The following DENND1B variants were observed in gnomAD, a reference collection of about 807,000 sequenced individuals.
The protein encoded by DENND1B is DENN domain containing 1B, also known as DENN domain-containing protein 1B.
Under a neutral mutation model 90.1 loss-of-function variants are expected in DENND1B, and 59 were observed. The observed-to-expected ratio is 0.65, with a 90% CI of 0.53 to 0.81. The LOEUF is 0.81. Ranked by LOEUF, DENND1B falls within the 40% of genes least tolerant of loss-of-function variation. The pLI, the probability that DENND1B is intolerant of heterozygous loss-of-function variation, is 0.00. For missense variants in DENND1B, 862 were observed against 912.6 expected (o/e 0.94, Z 0.71); for synonymous variants, 337 against 324.6 (o/e 1.04, Z -0.41).
At chr1:197,611,754 T>C (rs912812370) in intron 12 of DENND1B, among the ~76,000 whole-genome samples, 177 bp downstream of exon 12, 20 of 150,850 alleles carry the variant, frequency 1.3e-4, no homozygotes, top group Admixed American at 6.6e-5. Context: ...TCATTTAGTA[T>C]GTTAATTTAA....
At chr1:197,752,904 G>A (rs1653762164) in intron 2 of DENND1B, among the ~76,000 whole-genome samples, 1 of 151,874 alleles carries the variant, frequency 6.6e-6, no homozygotes, top group Non-Finnish European at 1.5e-5. Flanking sequence ...CTGTCTTTGT[G>A]ATAGTTTGCT....
At chr1:197,562,764 G>A (rs1006739735) in intron 15 of DENND1B, among the ~76,000 whole-genome samples, 3 of 151,974 alleles carry the variant, frequency 2.0e-5, no homozygotes, top group Non-Finnish European at 2.9e-5. Flanking sequence ...AACTGAGACA[G>A]CCTGAAAGCC....
intron 3 of DENND1B, among the ~76,000 whole-genome samples, chr1:197,675,717 C>T (rs1655988390): frequency 6.6e-6 from 1 of 152,124 alleles, no homozygotes; most frequent in Non-Finnish European, 1.5e-5. Context: ...AAACCATTCA[C>T]CATTTTTACT....
At chr1:197,644,012 G>A (rs548965897) in intron 9 of DENND1B, among the ~76,000 whole-genome samples, 20 of 152,188 alleles carry the variant, frequency 1.3e-4, no homozygotes, top group East Asian at 7.7e-4. Context: ...TTCAATTTCC[G>A]GAAGATAGAA....
intron 2 of DENND1B, among the ~76,000 whole-genome samples, chr1:197,762,472 T>C (rs1273976094): frequency 1.3e-5 from 2 of 152,154 alleles, no homozygotes; most frequent in Admixed American, 6.5e-5. Context: ...CTCAATATGA[T>C]GAAATACATA....
chr1:197,665,854 T>C (rs1427221580), intron 5 of DENND1B, among the ~76,000 whole-genome samples: 1 of 152,106 alleles, frequency 6.6e-6, no homozygotes, highest in Non-Finnish European at 1.5e-5. Context: ...AAAAAATTAG[T>C]GTTTAGGATA....
rs868557277 is a variant in DENND1B at position 197,626,293 on chromosome 1, A to G, written c.673-8534T>C. Among the ~76,000 whole-genome samples the G allele has an allele frequency of 2.6e-5, 4 of 152,042 alleles. No homozygotes were observed. In the South Asian group the frequency reaches 6.2e-4, roughly 24 times the overall value. Reference sequence around the variant, plus strand: ...GGAAGTAAAGCTCTCCTCAGCAAATATAAAAGAACAGAAATTATAACAAAC... The same window carrying G: ...GGAAGTAAAGCTCTCCTCAGCAAATGTAAAAGAACAGAAATTATAACAAAC... On this transcript the variant is annotated intron_variant, in intron 10 of 22. Coordinates refer to ENST00000620048, the MANE Select transcript of DENND1B (RefSeq NM_001195215.2).
intron 7 of DENND1B, among the ~76,000 whole-genome samples, chr1:197,648,207 T>A (rs1405764706): frequency 1.3e-5 from 2 of 152,152 alleles, no homozygotes; most frequent in Non-Finnish European, 1.5e-5. Context: ...CTTCACAGTA[T>A]ATCTAGATAT....
At position 197,545,773 on chromosome 1, in the gene DENND1B, T is replaced by C. The variant is rs949253031; in HGVS notation, c.1350+149A>G. The C allele has an allele frequency of 2.9e-5, 18 of 613,262 alleles. No homozygotes were observed. The Admixed American group carries it at 3.0e-4, about 10-fold the overall frequency. 38.0% of individuals were successfully genotyped at this position (613,262 alleles called of 1,614,324 possible). A position where few individuals can be genotyped will look rare whatever the true frequency, so the allele number is the denominator to read the frequency against. On this transcript the variant is annotated intron_variant, in intron 18 of 22. Coordinates refer to ENST00000620048, the MANE Select transcript of DENND1B (RefSeq NM_001195215.2). The stretch of plus-strand genomic sequence containing the variant: ...GCATGCAATGTTATAATTTTAACAA[T>C]TGAATTTGCTTTGGTCAATATTAAT...
chr1:197,634,335 A>G (rs1297761976), intron 10 of DENND1B, among the ~76,000 whole-genome samples: 1 of 152,200 alleles, frequency 6.6e-6, no homozygotes, highest in African/African-American at 2.4e-5. Flanking sequence ...TCATATCCAG[A>G]CTGATACAAA....
intron 13 of DENND1B, among the ~76,000 whole-genome samples, chr1:197,604,337 T>C (rs1676478171): frequency 6.6e-6 from 1 of 151,354 alleles, no homozygotes; most frequent in Non-Finnish European, 1.5e-5. Flanking sequence ...TGATTTATTT[T>C]TCCAATTTTA....
intron 4 of DENND1B, 134 bp downstream of exon 4, chr1:197,673,986 T>C: frequency 1.5e-6 from 1 of 662,304 alleles, no homozygotes; most frequent in South Asian, 2.0e-5. Flanking sequence ...TTTCAACCTC[T>C]TTTCAATCTC....
At chr1:197,575,350 A>G (rs1673575289) in intron 15 of DENND1B, among the ~76,000 whole-genome samples, 2 of 152,244 alleles carry the variant, frequency 1.3e-5, no homozygotes, top group Non-Finnish European at 2.9e-5. Flanking sequence ...ATCACTGGTC[A>G]TCAGAGAAAT....
At chr1:197,743,510 T>C (rs899935322) in intron 2 of DENND1B, among the ~76,000 whole-genome samples, 4 of 152,226 alleles carry the variant, frequency 2.6e-5, no homozygotes, top group Non-Finnish European at 5.9e-5. Flanking sequence ...TCAGTGTTGA[T>C]GGCTGCTAAC....
Position 197,645,759 on chromosome 1 carries a change from A to C in DENND1B, c.508-16T>G. ...AGTAGGAATGCTAATCAATACAAAT[A>C]AATCACATATGAAAAAGATAATTAA... is the stretch of plus-strand genomic sequence containing the variant. On this transcript the variant is annotated splice_polypyrimidine_tract_variant and intron_variant, in intron 8 of 22. Coordinates refer to ENST00000620048, the MANE Select transcript of DENND1B (RefSeq NM_001195215.2). The C allele has an allele frequency of 6.6e-7, 1 of 1,523,362 alleles. No homozygotes were observed. Among genetic ancestry groups the C allele is most frequent in the Non-Finnish European group, 8.8e-7 (1 of 1,130,434 alleles). The allele number at this position is 1,523,362 out of a possible 1,614,324, so 94.4% of individuals were successfully genotyped here.
At chr1:197,628,772 A>G (rs1216068525) in intron 10 of DENND1B, among the ~76,000 whole-genome samples, 1 of 151,972 alleles carries the variant, frequency 6.6e-6, no homozygotes, top group Non-Finnish European at 1.5e-5. Flanking sequence ...TTTGCAACCT[A>G]CTCATCTGAC....
rs374395497 is a variant in DENND1B at position 197,693,307 on chromosome 1, ATTG to A, written c.127-19141_127-19139del. Reference sequence around the variant, plus strand: ...AAACATGTGACTGTGTGTTTAAATAATTGTTAAAAGGTAACAAAATAATTCATA... The same window carrying A: ...AAACATGTGACTGTGTGTTTAAATAATTAAAAGGTAACAAAATAATTCATA... On this transcript the variant is annotated intron_variant, in intron 3 of 22. Coordinates refer to ENST00000620048, the MANE Select transcript of DENND1B (RefSeq NM_001195215.2). Among the ~76,000 whole-genome samples the A allele has an allele frequency of 1.1e-3, 166 of 151,806 alleles. 1 individual carries two copies. In the East Asian group the frequency reaches 0.013, roughly 12 times the overall value.
chr1:197,525,356 A>G (rs936345848), intron 20 of DENND1B, among the ~76,000 whole-genome samples: 1 of 152,136 alleles, frequency 6.6e-6, no homozygotes, highest in Non-Finnish European at 1.5e-5. Flanking sequence ...CAAGTTTTAT[A>G]AGACTATTAA....
chr1:197,718,091 G>A (rs1255932253), intron 2 of DENND1B, among the ~76,000 whole-genome samples: 4 of 152,136 alleles, frequency 2.6e-5, no homozygotes, highest in East Asian at 3.9e-4. Context: ...ATTTACTCAC[G>A]TAGCTAGGTA....
Sources: gnomAD v4.1 joint callset for allele counts (sites outside exome capture counted in the v4.1 genomes callset) on GRCh38, gnomAD v4.1.1 for gene constraint, MANE v1.5 for transcripts, NCBI Gene and HGNC (gene_info 2026-07-23, HGNC 2026-07-21) for gene names.